Variants in DDHD1 observed in about 807,000 individuals in gnomAD.
DDHD1 encodes phospholipase DDHD1.
Under a neutral mutation model 96.4 loss-of-function variants are expected in DDHD1, and 49 were observed. That is an observed-to-expected ratio of 0.51 (90% CI 0.40 to 0.64). The LOEUF (loss-of-function observed/expected upper bound fraction) is 0.64, where lower values mean the gene tolerates loss of function less well. Among genes scored for constraint, DDHD1 ranks in the 30% least tolerant of loss-of-function variants. DDHD1 has a pLI of 0.00. For synonymous variants in DDHD1, 442 were observed against 446.5 expected (o/e 0.99, Z 0.13); for missense variants, 1,106 against 1,161.2 (o/e 0.95, Z 0.69).
intron 1 of DDHD1, among the ~76,000 whole-genome samples, chr14:53,151,550 A>T (rs907196846): frequency 1.3e-5 from 2 of 152,232 alleles, no homozygotes; most frequent in Non-Finnish European, 2.9e-5. Context: ...ATTTACTTTC[A>T]CAACAATCCC....
chr14:53,098,163 TAC>T (rs1269899847), intron 2 of DDHD1, among the ~76,000 whole-genome samples: 7 of 152,058 alleles, frequency 4.6e-5, no homozygotes, highest in East Asian at 1.9e-4. Context: ...TTTTTTAAAA[TAC>T]AGTTTTAGTT....
rs1011900004 is a variant in DDHD1 at position 53,153,260 on chromosome 14, C to A, written c.-162G>T. 6 of 537,886 alleles carry A rather than the reference C, an allele frequency of 1.1e-5. No individual in the cohort carries two copies. Among genetic ancestry groups the A allele is most frequent in the African/African-American group, 2.0e-5 (1 of 50,068 alleles). 33.3% of individuals were successfully genotyped at this position (537,886 alleles called of 1,614,324 possible). The stretch of plus-strand genomic sequence containing the variant: ...CGGCGACCGCTCCGCCCCCACGAGA[C>A]CCGCAGCCGCCGCAGCTGCGTTCTG... On this transcript the variant is annotated 5_prime_UTR_variant, in exon 1 of 13. Coordinates refer to ENST00000673822, the MANE Select transcript of DDHD1 (RefSeq NM_001160148.2).
chr14:53,075,374 C>T (rs1884868074), intron 4 of DDHD1, among the ~76,000 whole-genome samples: 2 of 152,112 alleles, frequency 1.3e-5, no homozygotes, highest in Admixed American at 1.3e-4. Flanking sequence ...GGATAGAAGA[C>T]CAAAACAGCT....
At chr14:53,048,717 G>T (rs948578319) in intron 12 of DDHD1, 4 of 152,306 alleles carry the variant, frequency 2.6e-5, no homozygotes, top group African/African-American at 4.8e-5. Context: ...ATGTGGACTG[G>T]TGAGTTAGTA....
At chr14:53,071,620 G>A (rs1884514864) in intron 6 of DDHD1, among the ~76,000 whole-genome samples, 1 of 151,938 alleles carries the variant, frequency 6.6e-6, no homozygotes, top group Non-Finnish European at 1.5e-5. Flanking sequence ...AATCTTACCT[G>A]GGATTCCTGA....
At position 53,103,818 on chromosome 14, in the gene DDHD1, T is replaced by C. The variant is rs1887491978; in HGVS notation, c.877A>G (p.Ile293Val). The C allele has an allele frequency of 6.2e-7, 1 of 1,611,944 alleles. No homozygotes were observed. Among genetic ancestry groups the C allele is most frequent in the Non-Finnish European group, 8.5e-7 (1 of 1,179,288 alleles). ...TCTAGAGGCTGCCAAGTGCCGTCAA[T>C]AAACCACTGTCCACGCATTACTGGT... The part of the protein sequence containing the change: ...KIPVMRGQWF[I>V]DGTWQPLEEE... The change falls in exon 2 of 13, where the codon ATT (isoleucine) becomes GTT (valine). Residue 293 changes from isoleucine (I) to valine (V), a missense_variant. Physicochemically the swap from Ile to Val is conservative, Grantham distance 29 (BLOSUM62 3). Around this residue, in one of 2 missense-constraint regions of DDHD1, gnomAD observed 650 missense variants for 758.8 expected, o/e 0.86. Transcript: ENST00000673822.
intron 3 of DDHD1, 91 bp downstream of exon 3, chr14:53,093,225 C>T (rs917755105): frequency 5.9e-6 from 8 of 1,352,312 alleles, no homozygotes; most frequent in Admixed American, 3.0e-5. Flanking sequence ...TTAAAACATA[C>T]TAAAAACAGA....
chr14:53,071,747 G>A (rs1274359482), intron 6 of DDHD1, among the ~76,000 whole-genome samples: 2 of 152,104 alleles, frequency 1.3e-5, no homozygotes, highest in African/African-American at 4.8e-5. Context: ...GTTAGCTAGT[G>A]TTTGGCATAG....
chr14:53,060,008 AT>A (rs1458759381), intron 8 of DDHD1, among the ~76,000 whole-genome samples: 1 of 149,988 alleles, frequency 6.7e-6, no homozygotes, highest in Non-Finnish European at 1.5e-5. Flanking sequence ...TATGGTATAT[AT>A]TTTTTTTAAA....
At chr14:53,138,948 C>T (rs368668410) in intron 1 of DDHD1, among the ~76,000 whole-genome samples, 8 of 152,206 alleles carry the variant, frequency 5.3e-5, no homozygotes, top group African/African-American at 1.9e-4. Flanking sequence ...GAAAGGTCTG[C>T]CTGGATCCTT....
At chr14:53,048,883 A>G (rs1174713839) in intron 12 of DDHD1, 1 of 152,230 alleles carries the variant, frequency 6.6e-6, no homozygotes, top group Non-Finnish European at 1.5e-5. Context: ...AAGAAGATGA[A>G]AAACAGTTGG....
At chr14:53,111,385 ATT>A (rs112771199) in intron 1 of DDHD1, among the ~76,000 whole-genome samples, 4,973 of 147,848 alleles carry the variant, frequency 0.034, 274 homozygotes, top group African/African-American at 0.11. Context: ...CCCATAAATC[ATT>A]TTTTTTTTTT....
At chr14:53,058,772 C>G (rs1489933422) in intron 8 of DDHD1, 146 bp from the exon 9 acceptor site, 2 of 640,800 alleles carry the variant, frequency 3.1e-6, no homozygotes, top group Admixed American at 3.4e-5. Context: ...TCCAGATGGG[C>G]TCTGCCAACC....
intron 1 of DDHD1, among the ~76,000 whole-genome samples, chr14:53,118,302 T>C (rs1052078436): frequency 6.6e-6 from 1 of 152,202 alleles, no homozygotes; most frequent in Admixed American, 6.5e-5. Context: ...CAAAACTGGA[T>C]GGAGAACGAG....
intron 11 of DDHD1, 64 bp downstream of exon 11, chr14:53,054,374 C>T: frequency 1.3e-6 from 2 of 1,497,222 alleles, no homozygotes; most frequent in Non-Finnish European, 1.8e-6. Flanking sequence ...TTTTATACCT[C>T]CCTGCCCTCC....
intron 8 of DDHD1, among the ~76,000 whole-genome samples, chr14:53,059,078 C>G (rs959228216): frequency 6.6e-6 from 1 of 152,006 alleles, no homozygotes; most frequent in Non-Finnish European, 1.5e-5. Flanking sequence ...ATAATTCCAA[C>G]TTTGAAGGCT....
chr14:53,116,272 T>C (rs776732281), intron 1 of DDHD1, among the ~76,000 whole-genome samples: 4 of 152,102 alleles, frequency 2.6e-5, no homozygotes, highest in Non-Finnish European at 4.4e-5. Context: ...CACACAATAA[T>C]AATAGGAGAC....
rs1312468971 is a variant in DDHD1, at chr14:53,152,317, C to T, written c.782G>A (p.Gly261Asp). Reference protein sequence around the residue: ...LVNIEPVCVRGGLYEVDVTQG... With the variant: ...LVNIEPVCVRDGLYEVDVTQG... ...GGTCACATCCACCTCGTAGAGGCCG[C>T]CCCGCACGCACACAGGCTCGATGTT... The change falls in exon 1 of 13, where the codon GGC (glycine) becomes GAC (aspartate). Residue 261 changes from glycine to aspartate, a missense_variant. By Grantham distance (94) the Gly-to-Asp change is moderately conservative. Transcript: ENST00000673822. 1 of 1,613,956 alleles carries T rather than the reference C, an allele frequency of 6.2e-7. No homozygotes were observed. The highest frequency in any genetic ancestry group is 8.5e-7 in the Non-Finnish European group (1 of 1,179,926).
At chr14:53,104,090 C>T (rs1313957358) in intron 1 of DDHD1, among the ~76,000 whole-genome samples, 2 of 152,142 alleles carry the variant, frequency 1.3e-5, no homozygotes, top group Non-Finnish European at 2.9e-5. Context: ...CCTTGACCTT[C>T]CAGGCTAATT....
Sources: allele counts gnomAD v4.1 joint callset (sites outside exome capture counted in the v4.1 genomes callset), GRCh38; gene constraint gnomAD v4.1.1; regional missense constraint gnomAD v4.1.1; transcripts MANE v1.5; gene names NCBI Gene and HGNC (gene_info 2026-07-23, HGNC 2026-07-21).